The following SH3PXD2B variants were observed in gnomAD, a reference collection of about 807,000 sequenced individuals.
SH3PXD2B encodes the protein SH3 and PX domains 2B, also known as SH3 and PX domain-containing protein 2B.
A neutral mutation model predicts 73.1 loss-of-function variants in SH3PXD2B; 37 were observed. The observed-to-expected ratio is 0.51, with a 90% CI of 0.39 to 0.67. SH3PXD2B has a LOEUF of 0.67. Among genes scored for constraint, SH3PXD2B ranks in the 30% least tolerant of loss-of-function variants. The pLI is 0.00. For synonymous variants in SH3PXD2B, 457 were observed against 480.5 expected, an observed-to-expected ratio of 0.95 and a Z score of 0.64; for missense variants, 1,053 against 1,197.8, an observed-to-expected ratio of 0.88 and a Z score of 1.78.
intron 1 of SH3PXD2B, among the ~76,000 whole-genome samples, chr5:172,437,973 T>C (rs1015819592): frequency 1.3e-5 from 2 of 152,138 alleles, no homozygotes; most frequent in African/African-American, 4.8e-5. Flanking sequence ...ATTCATTCAT[T>C]TGGCATATAC....
In SH3PXD2B at chr5:172,350,581, C is replaced by T. The variant is rs1193860375; in HGVS notation, c.794G>A (p.Gly265Asp). ...GGAGGCGGGGGCCCAGCCTTCTTTG[C>T]CCTGGTACCTGTGAAGAGGAGGAAG... ...LEGWWKIRYQGKEGWAPASYL... is the reference protein window; with the variant it reads ...LEGWWKIRYQDKEGWAPASYL... Residue 265 changes from glycine (G) to aspartate (D), a missense_variant, in exon 10 of 13, where the codon GGC (glycine) becomes GAC (aspartate). Gly to Asp is a moderately conservative substitution (Grantham distance 94, BLOSUM62 -1). This residue lies in a region of SH3PXD2B where 466 missense variants were observed against 607.1 expected (regional missense o/e 0.77). Transcript: ENST00000311601. 10 of 1,607,744 alleles carry T rather than the reference C, an allele frequency of 6.2e-6. No homozygotes were observed. Among genetic ancestry groups the T allele is most frequent in the Non-Finnish European group, 8.5e-6 (10 of 1,177,282 alleles).
At chr5:172,387,052 G>C (rs1320944186) in intron 4 of SH3PXD2B, among the ~76,000 whole-genome samples, 1 of 152,322 alleles carries the variant, frequency 6.6e-6, no homozygotes, top group East Asian at 1.9e-4. Context: ...CAAAAAGTGA[G>C]TTGAAGAAAA....
At chr5:172,382,862 G>A (rs963846027) in intron 4 of SH3PXD2B, among the ~76,000 whole-genome samples, 34 of 151,526 alleles carry the variant, frequency 2.2e-4, no homozygotes, top group African/African-American at 8.3e-4. Context: ...CTGAGTAGCT[G>A]GGATTATAGG....
intron 6 of SH3PXD2B, among the ~76,000 whole-genome samples, chr5:172,371,614 C>T (rs1757707480): frequency 6.6e-6 from 1 of 152,226 alleles, no homozygotes; most frequent in South Asian, 2.1e-4. Context: ...TATTTTCCAA[C>T]CAGTTGAACT....
intron 7 of SH3PXD2B, among the ~76,000 whole-genome samples, chr5:172,361,983 G>A (rs1316666016): frequency 1.3e-5 from 2 of 152,192 alleles, no homozygotes; most frequent in African/African-American, 4.8e-5. Context: ...CATTTTCCCA[G>A]GGAGGATCTG....
chr5:172,336,424 C>CT lies in SH3PXD2B; in HGVS notation c.*1944_*1945insA. 1 of 985,976 alleles carries CT rather than the reference C, an allele frequency of 1.0e-6. No individual in the cohort carries two copies. The highest frequency in any genetic ancestry group is 4.7e-5 in the South Asian group (1 of 21,290). The allele number at this position is 985,976 out of a possible 1,614,324, so 61.1% of individuals were successfully genotyped here. ...GGCCAAGTGGCAAGTGGGCCCTGCC[C>CT]AAGCCTCTCTGGGAAATGGGATTTG... On this transcript the variant is annotated 3_prime_UTR_variant, in exon 13 of 13. Coordinates refer to ENST00000311601, the MANE Select transcript of SH3PXD2B (RefSeq NM_001017995.3).
At chr5:172,374,271 C>T (rs1757774507) in intron 5 of SH3PXD2B, among the ~76,000 whole-genome samples, 1 of 152,200 alleles carries the variant, frequency 6.6e-6, no homozygotes, top group Admixed American at 6.5e-5. Flanking sequence ...GTTTGGACAG[C>T]AGTGAACACA....
chr5:172,404,229 G>GT (rs1758499572), intron 3 of SH3PXD2B, among the ~76,000 whole-genome samples: 1 of 152,166 alleles, frequency 6.6e-6, no homozygotes, highest in African/African-American at 2.4e-5. Context: ...GGACTAGGGG[G>GT]TTGGGAGACT....
chr5:172,434,586 G>T (rs1050959578), intron 1 of SH3PXD2B, among the ~76,000 whole-genome samples: 1 of 152,170 alleles, frequency 6.6e-6, no homozygotes, highest in Non-Finnish European at 1.5e-5. Context: ...TTTTTGCCCT[G>T]CTAGTAAAAT....
chr5:172,426,150 C>A (rs1462620056), intron 1 of SH3PXD2B, among the ~76,000 whole-genome samples: 2 of 152,190 alleles, frequency 1.3e-5, no homozygotes, highest in African/African-American at 4.8e-5. Context: ...TCTGAACATA[C>A]AGTGCAAGGA....
rs1015846315 is a variant in SH3PXD2B at position 172,353,175 on chromosome 5, G to A, written c.785+713C>T. The stretch of plus-strand genomic sequence containing the variant: ...TTTGTTGAATGAATGAATGAATGCA[G>A]TGCTACATGCTCAGCCTCCTGGAAA... On this transcript the variant is annotated intron_variant, in intron 9 of 12. Transcript: ENST00000311601. The surrounding 1 kb of genome is among the most constrained non-coding windows in gnomAD (Gnocchi z 4.3). Among the ~76,000 whole-genome samples the A allele has an allele frequency of 6.6e-6, 1 of 152,212 alleles. No individual in the cohort carries two copies. The highest frequency in any genetic ancestry group is 2.4e-5 in the African/African-American group (1 of 41,444).
chr5:172,377,734 A>T (rs1757848306), intron 5 of SH3PXD2B, among the ~76,000 whole-genome samples: 1 of 152,210 alleles, frequency 6.6e-6, no homozygotes, highest in Admixed American at 6.5e-5. Context: ...ATACTCCAGC[A>T]TGATGGACGT....
At chr5:172,366,295 G>C (rs565565061) in intron 6 of SH3PXD2B, among the ~76,000 whole-genome samples, 1 of 152,158 alleles carries the variant, frequency 6.6e-6, no homozygotes, top group Non-Finnish European at 1.5e-5. Flanking sequence ...GGGGAGGGGA[G>C]GGGAGGCAGA....
chr5:172,337,015 G>A lies in SH3PXD2B; in HGVS notation c.*1354C>T, dbSNP rs1756714582. 1.7e-5 allele frequency: 17 copies of A among 985,470 alleles called. No individual in the cohort carries two copies. In the South Asian group the frequency reaches 8.0e-4, roughly 46 times the overall value. The allele number at this position is 985,470 out of a possible 1,614,324, so 61.0% of individuals were successfully genotyped here. On this transcript the variant is annotated 3_prime_UTR_variant, in exon 13 of 13. Transcript: ENST00000311601. ...ATGGGACCGCTGCATGCTATGCTCA[G>A]AGCCCTCCAGGCTGGCCCTCGAGGC...
At chr5:172,374,691 G>A (rs1757785392) in intron 5 of SH3PXD2B, among the ~76,000 whole-genome samples, 1 of 152,152 alleles carries the variant, frequency 6.6e-6, no homozygotes, top group Admixed American at 6.6e-5. Context: ...GGTGGGGGGA[G>A]TGGGGAAAGC....
intron 12 of SH3PXD2B, among the ~76,000 whole-genome samples, 200 bp from the exon 13 acceptor site, chr5:172,340,116 C>T (rs561676518): frequency 1.1e-4 from 17 of 152,280 alleles, no homozygotes; most frequent in African/African-American, 3.9e-4. Flanking sequence ...AGAGTCTTGT[C>T]GTATGGGACT....
chr5:172,382,010 C>T, intron 5 of SH3PXD2B, 26 bp downstream of exon 5: 3 of 1,588,202 alleles, frequency 1.9e-6, no homozygotes, highest in South Asian at 1.1e-5. Flanking sequence ...GGGGCTCCAT[C>T]TGGGGAAGCC....
chr5:172,334,273 A>G lies in SH3PXD2B; in HGVS notation c.*4096T>C. 1 of 1,012,274 alleles carries G rather than the reference A, an allele frequency of 9.9e-7. No individual in the cohort carries two copies. Among genetic ancestry groups the G allele is most frequent in the Non-Finnish European group, 1.2e-6 (1 of 849,354 alleles). 62.7% of individuals were successfully genotyped at this position (1,012,274 alleles called of 1,614,324 possible). ...TCTGAAGGAGGTCCATGAGCAGGCAAGGACTGTGGAGCCTCCGGTTCCAGC... is the reference window on the plus strand; with the variant it reads ...TCTGAAGGAGGTCCATGAGCAGGCAGGGACTGTGGAGCCTCCGGTTCCAGC... On this transcript the variant is annotated 3_prime_UTR_variant, in exon 13 of 13. Transcript: ENST00000311601.
rs900875477 is a variant in SH3PXD2B at position 172,421,301 on chromosome 5, T to TA, written c.156+1114dup. Among the ~76,000 whole-genome samples, 1 of 152,232 alleles carries TA rather than the reference T, an allele frequency of 6.6e-6. No homozygotes were observed. Among genetic ancestry groups the TA allele is most frequent in the African/African-American group, 2.4e-5 (1 of 41,460 alleles). Reference sequence around the variant, plus strand: ...AAGAAGAAACTACTAACCCACTGGTTAGACTTGTTTTACCCTAATGGGGAT... The same window carrying TA: ...AAGAAGAAACTACTAACCCACTGGTTAAGACTTGTTTTACCCTAATGGGGAT... On this transcript the variant is annotated intron_variant, in intron 2 of 12. Coordinates refer to ENST00000311601, the MANE Select transcript of SH3PXD2B (RefSeq NM_001017995.3). The surrounding 1 kb of genome is among the most constrained non-coding windows in gnomAD (Gnocchi z 4.0).
Sources: allele counts gnomAD v4.1 joint callset (sites outside exome capture counted in the v4.1 genomes callset), GRCh38; gene constraint gnomAD v4.1.1; regional missense constraint gnomAD v4.1.1; non-coding constraint Gnocchi (gnomAD v3.1); transcripts MANE v1.5; gene names NCBI Gene and HGNC (gene_info 2026-07-23, HGNC 2026-07-21).